The following SLC7A7 variants were observed in gnomAD, a reference collection of about 807,000 sequenced individuals.
SLC7A7 encodes the protein Y+L amino acid transporter 1.
SLC7A7 carries 39 observed loss-of-function variants against 47.9 expected under a neutral mutation model. The ratio of observed to expected loss-of-function variants is 0.81; its 90% CI spans 0.63 to 1.06. The LOEUF is 1.06. Ranked by LOEUF, SLC7A7 falls within the 50% of genes least tolerant of loss-of-function variation. SLC7A7 has a pLI of 0.00. For missense variants in SLC7A7, 588 were observed against 632.0 expected, an observed-to-expected ratio of 0.93 and a Z score of 0.75; for synonymous variants, 234 against 242.8, an observed-to-expected ratio of 0.96 and a Z score of 0.34.
chr14:22,774,337 G>A lies in SLC7A7; in HGVS notation c.1245+17C>T. The A allele has an allele frequency of 6.2e-7, 1 of 1,614,114 alleles. No individual in the cohort carries two copies. Among genetic ancestry groups the A allele is most frequent in the Non-Finnish European group, 8.5e-7 (1 of 1,180,004 alleles). On this transcript the variant is annotated intron_variant, in intron 8 of 9. Transcript: ENST00000674313. Reference sequence around the variant, plus strand: ...AGCTGTTTCAGGTGGAGCAGAGGTAGGATGGAGTTGCCTTACCTTGAGGGG... The same window carrying A: ...AGCTGTTTCAGGTGGAGCAGAGGTAAGATGGAGTTGCCTTACCTTGAGGGG...
chr14:22,795,777 T>A (rs1253029317), intron 2 of SLC7A7, among the ~76,000 whole-genome samples: 1 of 152,120 alleles, frequency 6.6e-6, no homozygotes, highest in African/African-American at 2.4e-5. Flanking sequence ...CCGGCCTTGT[T>A]TTCTTAATTC....
upstream of SLC7A7, among the ~76,000 whole-genome samples, chr14:22,818,584 T>TTG (rs35528225): frequency 3.9e-4 from 33 of 84,202 alleles, no homozygotes; most frequent in South Asian, 2.4e-3. Flanking sequence ...AGGTTTTTGG[T>TTG]TTTTTTTTTT....
At chr14:22,815,493 C>T (rs751048063), upstream of SLC7A7, 4 of 454,228 alleles carry the variant, frequency 8.8e-6, no homozygotes, top group South Asian at 3.1e-5. Context: ...TGAGGCAGCC[C>T]GCAAAGGAAG....
At position 22,810,373 on chromosome 14, in the gene SLC7A7, A is replaced by G. The variant is rs562966761; in HGVS notation, c.499+2527T>C. On this transcript the variant is annotated intron_variant, in intron 2 of 9. Transcript: ENST00000674313. ...GCTACTCGGGAGGCTGAGGCAGGAG[A>G]ATCACTTGAACCTGGGAGGCAGAGG... Among the ~76,000 whole-genome samples, 7 of 149,936 alleles carry G rather than the reference A, an allele frequency of 4.7e-5. No individual in the cohort carries two copies. In the South Asian group the frequency reaches 1.5e-3, roughly 31 times the overall value.
intron 2 of SLC7A7, among the ~76,000 whole-genome samples, chr14:22,788,866 G>A (rs889380810): frequency 2.0e-5 from 3 of 152,130 alleles, no homozygotes; most frequent in Non-Finnish European, 4.4e-5. Flanking sequence ...TCAGAATAGT[G>A]ATTTCCCTTT....
At chr14:22,795,361 G>T (rs1307597851) in intron 2 of SLC7A7, among the ~76,000 whole-genome samples, 3 of 143,488 alleles carry the variant, frequency 2.1e-5, no homozygotes, top group Non-Finnish European at 4.6e-5. Flanking sequence ...GAGCCACCGT[G>T]CCCAATCTGA....
intron 1 of SLC7A7, 136 bp from the exon 2 acceptor site, chr14:22,813,576 A>C: frequency 1.5e-6 from 1 of 678,528 alleles, no homozygotes; most frequent in Non-Finnish European, 2.6e-6. Flanking sequence ...TCTCCAGCTC[A>C]CTCATCAAAA....
upstream of SLC7A7, among the ~76,000 whole-genome samples, chr14:22,818,003 G>C (rs1481785771): frequency 6.6e-6 from 1 of 151,670 alleles, no homozygotes; most frequent in Non-Finnish European, 1.5e-5. Context: ...CTATTGCTAG[G>C]GTGCCCACTT....
rs1386989075 is a variant in SLC7A7 at position 22,773,249 on chromosome 14, C to T, written c.*361G>A. On this transcript the variant is annotated 3_prime_UTR_variant, in exon 10 of 10. Coordinates refer to ENST00000674313, the MANE Select transcript of SLC7A7 (RefSeq NM_003982.4). ...TAGGAACATAAACTTTTATTGTCAT[C>T]CAGCACCTGTGATAGTTTCATGTCT... The T allele has an allele frequency of 1.4e-5, 6 of 424,444 alleles. No individual in the cohort carries two copies. Among genetic ancestry groups the T allele is most frequent in the Non-Finnish European group, 2.3e-5 (5 of 220,098 alleles). 26.3% of individuals were successfully genotyped at this position (424,444 alleles called of 1,614,324 possible).
chr14:22,787,877 T>C (rs2038846800), intron 2 of SLC7A7, among the ~76,000 whole-genome samples: 2 of 151,756 alleles, frequency 1.3e-5, no homozygotes, highest in African/African-American at 2.4e-5. Flanking sequence ...ATCGAGACCA[T>C]CCTGGCTAAC....
At chr14:22,784,723 AG>A (rs1343475127) in intron 2 of SLC7A7, among the ~76,000 whole-genome samples, 1 of 152,186 alleles carries the variant, frequency 6.6e-6, no homozygotes, top group African/African-American at 2.4e-5. Flanking sequence ...GACTAGTTCT[AG>A]TGGTAAGGCC....
chr14:22,775,610 TG>T, intron 6 of SLC7A7, 70 bp from the exon 7 acceptor site: 2 of 1,271,410 alleles, frequency 1.6e-6, no homozygotes, highest in Non-Finnish European at 2.3e-6. Flanking sequence ...ACCTGCCACA[TG>T]GCCCTCCCTC....
At chr14:22,819,195 C>G (rs2039444799), upstream of SLC7A7, among the ~76,000 whole-genome samples, 1 of 152,038 alleles carries the variant, frequency 6.6e-6, no homozygotes. Context: ...GCTCAGGGAA[C>G]TACTATAAGA....
chr14:22,803,396 C>G (rs2039148980), intron 2 of SLC7A7, among the ~76,000 whole-genome samples: 1 of 152,074 alleles, frequency 6.6e-6, no homozygotes, highest in Admixed American at 6.6e-5. Context: ...CCAGCCTGGG[C>G]AACAGAGCGA....
At chr14:22,812,727 G>A (rs906693454) in intron 2 of SLC7A7, among the ~76,000 whole-genome samples, 173 bp downstream of exon 2, 9 of 145,028 alleles carry the variant, frequency 6.2e-5, no homozygotes, top group African/African-American at 2.1e-4. Context: ...GTGTTTTTGC[G>A]ATACACTGTG....
At chr14:22,788,081 AAAAATT>A (rs1457422359) in intron 2 of SLC7A7, among the ~76,000 whole-genome samples, 6 of 152,306 alleles carry the variant, frequency 3.9e-5, no homozygotes, top group Non-Finnish European at 7.3e-5. Flanking sequence ...TCAAAAAAAA[AAAAATT>A]AAAATGTTGA....
At chr14:22,788,691 G>A (rs1237000012) in intron 2 of SLC7A7, among the ~76,000 whole-genome samples, 2 of 146,190 alleles carry the variant, frequency 1.4e-5, no homozygotes, top group Non-Finnish European at 3.0e-5. Context: ...GCGACAGAGT[G>A]AGACTCTGTC....
In SLC7A7 at chr14:22,773,539, T is replaced by A. The variant is rs1390078795; in HGVS notation, c.*71A>T. The stretch of plus-strand genomic sequence containing the variant: ...GTGCCTCCAAAGAAGTGAGCTTTCC[T>A]TTTCAACTTCCTTAGCTCTAGCCAG... On this transcript the variant is annotated 3_prime_UTR_variant, in exon 10 of 10. Transcript: ENST00000674313. 4.3e-6 allele frequency: 6 copies of A among 1,393,910 alleles called. No homozygotes were observed. The highest frequency in any genetic ancestry group is 1.4e-5 in the African/African-American group (1 of 71,562). 86.3% of individuals were successfully genotyped at this position (1,393,910 alleles called of 1,614,324 possible).
At chr14:22,801,535 G>A (rs946764425) in intron 2 of SLC7A7, among the ~76,000 whole-genome samples, 4 of 152,140 alleles carry the variant, frequency 2.6e-5, no homozygotes, top group African/African-American at 4.8e-5. Context: ...TGTAATCCCA[G>A]CACTTTGGGA....
Sources: gnomAD v4.1 joint callset for allele counts (sites outside exome capture counted in the v4.1 genomes callset) on GRCh38, gnomAD v4.1.1 for gene constraint, MANE v1.5 for transcripts, NCBI Gene and HGNC (gene_info 2026-07-23, HGNC 2026-07-21) for gene names.